Variants in CRISPLD2 observed in about 807,000 individuals in gnomAD.
CRISPLD2 encodes the protein cysteine-rich secretory protein LCCL domain-containing 2.
In CRISPLD2, 47 loss-of-function variants were observed where a neutral mutation model predicts 71.1. The ratio of observed to expected loss-of-function variants is 0.66; its 90% CI spans 0.52 to 0.84. The LOEUF is 0.84. Ranked by LOEUF, CRISPLD2 falls within the 40% of genes least tolerant of loss-of-function variation. The pLI is 0.00. For synonymous variants in CRISPLD2, 317 were observed against 250.1 expected (o/e 1.27, Z -2.52); for missense variants, 830 against 651.1 (o/e 1.27, Z -2.99).
At chr16:84,847,181 C>A (rs1480661741) in intron 3 of CRISPLD2, among the ~76,000 whole-genome samples, 1 of 152,152 alleles carries the variant, frequency 6.6e-6, no homozygotes, top group African/African-American at 2.4e-5. Context: ...CTTTCACTTC[C>A]CACAGAGGGA....
intron 14 of CRISPLD2, 84 bp from the exon 15 acceptor site, chr16:84,906,504 C>G (rs570752296): frequency 2.1e-6 from 3 of 1,463,260 alleles, no homozygotes; most frequent in African/African-American, 1.4e-5. Flanking sequence ...GCAGGAGGCA[C>G]CCAGGTCTCC....
intron 13 of CRISPLD2, among the ~76,000 whole-genome samples, chr16:84,882,760 A>G (rs2071579950): frequency 6.6e-6 from 1 of 152,224 alleles, no homozygotes; most frequent in South Asian, 2.1e-4. Flanking sequence ...CTTTAAAAAC[A>G]CCGTCTCTAG....
chr16:84,892,729 A>G (rs2071673474), intron 14 of CRISPLD2, among the ~76,000 whole-genome samples: 1 of 152,062 alleles, frequency 6.6e-6, no homozygotes, highest in African/African-American at 2.4e-5. Flanking sequence ...TAATCCCAGC[A>G]CTTTGGGAGG....
At chr16:84,858,330 C>T (rs984036297) in intron 6 of CRISPLD2, among the ~76,000 whole-genome samples, 4 of 152,162 alleles carry the variant, frequency 2.6e-5, no homozygotes, top group African/African-American at 4.8e-5. Context: ...GCCAGAGTAA[C>T]GCACCCAGAT....
chr16:84,891,431 C>T (rs1243602784), intron 14 of CRISPLD2, among the ~76,000 whole-genome samples: 1 of 152,156 alleles, frequency 6.6e-6, no homozygotes, highest in Non-Finnish European at 1.5e-5. Context: ...CCATCGGCAG[C>T]CCTGAAGAGC....
rs900994629 is a variant in CRISPLD2 at position 84,896,656 on chromosome 16, G to A, written c.1439+7293G>A. On this transcript the variant is annotated intron_variant, in intron 14 of 14. Transcript: ENST00000262424. Reference sequence around the variant, plus strand: ...GGCGAGGCTGAGCTGTGATGGAGGCGAGGTGTATTCAGTGCATTTCCGATG... The same window carrying A: ...GGCGAGGCTGAGCTGTGATGGAGGCAAGGTGTATTCAGTGCATTTCCGATG... Among the ~76,000 whole-genome samples, 3 of 152,108 alleles carry A rather than the reference G, an allele frequency of 2.0e-5. No homozygotes were observed. In the East Asian group the frequency reaches 5.8e-4, roughly 29 times the overall value.
chr16:84,863,972 A>AAAG (rs1555562660), intron 6 of CRISPLD2, among the ~76,000 whole-genome samples: 1 of 148,624 alleles, frequency 6.7e-6, no homozygotes, highest in African/African-American at 2.5e-5. Context: ...AAAAAAAAAA[A>AAAG]AAAGAAAGAA....
intron 1 of CRISPLD2, among the ~76,000 whole-genome samples, chr16:84,829,928 A>G (rs1310421972): frequency 6.6e-6 from 1 of 152,194 alleles, no homozygotes; most frequent in Non-Finnish European, 1.5e-5. Context: ...GGTGATGAAC[A>G]TTTGCTGGGG....
intron 1 of CRISPLD2, among the ~76,000 whole-genome samples, chr16:84,825,780 T>C (rs556422525): frequency 6.6e-6 from 1 of 150,846 alleles, no homozygotes; most frequent in African/African-American, 2.4e-5. Context: ...TAAATAAAAA[T>C]AAATACATAA....
chr16:84,849,897 T>A (rs1163714218), intron 4 of CRISPLD2, among the ~76,000 whole-genome samples: 2 of 150,868 alleles, frequency 1.3e-5, no homozygotes, highest in Non-Finnish European at 3.0e-5. Flanking sequence ...TTTGTATTTT[T>A]TTTTTTTTTT....
intron 13 of CRISPLD2, among the ~76,000 whole-genome samples, chr16:84,884,549 G>C (rs903495148): frequency 6.6e-6 from 1 of 152,326 alleles, no homozygotes; most frequent in Middle Eastern, 3.4e-3. Context: ...AAATACTCAG[G>C]TATTCCTGTT....
chr16:84,881,534 C>T (rs1371523032), intron 13 of CRISPLD2, among the ~76,000 whole-genome samples: 1 of 152,206 alleles, frequency 6.6e-6, no homozygotes, highest in Non-Finnish European at 1.5e-5. Flanking sequence ...AAGCTGTTTC[C>T]TTGTGGCGGA....
At position 84,896,275 on chromosome 16, in the gene CRISPLD2, G is replaced by A. The variant is rs371560638; in HGVS notation, c.1439+6912G>A. On this transcript the variant is annotated intron_variant, in intron 14 of 14. Transcript: ENST00000262424. ...TGTTGGCCAGGCTGGTCTCGAATTC[G>A]TGACCTCAAGTGATCCGCCCACCTC... Among the ~76,000 whole-genome samples the A allele has an allele frequency of 1.4e-4, 21 of 151,898 alleles. No homozygotes were observed. The South Asian group carries it at 3.5e-3, about 26-fold the overall frequency.
At chr16:84,838,816 C>A in intron 2 of CRISPLD2, 81 bp downstream of exon 2, 2 of 1,526,956 alleles carry the variant, frequency 1.3e-6, no homozygotes, top group Middle Eastern at 1.8e-4. Flanking sequence ...CCAGCCAGCT[C>A]TGTTCCCCAG....
At chr16:84,905,774 A>G (rs1050571797) in intron 14 of CRISPLD2, among the ~76,000 whole-genome samples, 39 of 142,014 alleles carry the variant, frequency 2.7e-4, no homozygotes, top group Non-Finnish European at 4.6e-4. Context: ...CAATGCCTTG[A>G]TCTTGGCTCA....
intron 1 of CRISPLD2, 123 bp from the exon 2 acceptor site, chr16:84,838,299 G>GGC (rs1386212428): frequency 5.6e-5 from 36 of 640,666 alleles, no homozygotes; most frequent in Admixed American, 8.6e-5. Flanking sequence ...TAGCTTCTGT[G>GGC]GGCCTCAGTT....
chr16:84,838,363 A>G (rs1014865024), intron 1 of CRISPLD2, 59 bp from the exon 2 acceptor site: 17 of 957,592 alleles, frequency 1.8e-5, no homozygotes, highest in South Asian at 1.1e-4. Context: ...TGCTCCAGCC[A>G]GCGCTGTGAC....
chr16:84,846,101 G>C, intron 3 of CRISPLD2, 197 bp downstream of exon 3: 1 of 479,168 alleles, frequency 2.1e-6, no homozygotes, highest in Non-Finnish European at 3.7e-6. Context: ...AAGCTTGGTT[G>C]GCTGACCCCA....
chr16:84,833,786 T>A (rs1424494786), intron 1 of CRISPLD2, among the ~76,000 whole-genome samples: 3 of 152,148 alleles, frequency 2.0e-5, no homozygotes, highest in Non-Finnish European at 4.4e-5. Context: ...TCGTCTCCCA[T>A]GGGGGTGACA....
Sources: allele counts gnomAD v4.1 joint callset (sites outside exome capture counted in the v4.1 genomes callset), GRCh38; gene constraint gnomAD v4.1.1; transcripts MANE v1.5; gene names NCBI Gene and HGNC (gene_info 2026-07-23, HGNC 2026-07-21).